RBFOX1: variants seen among roughly 807,000 people sequenced by gnomAD.
RBFOX1 encodes the protein RNA binding fox-1 homolog 1, also known as RNA binding protein fox-1 homolog 1.
A neutral mutation model predicts 57.7 loss-of-function variants in RBFOX1; 8 were observed. That is an observed-to-expected ratio of 0.14 (90% CI 0.08 to 0.25). The LOEUF (loss-of-function observed/expected upper bound fraction) is 0.25, where lower values mean the gene tolerates loss of function less well. Among genes scored for constraint, RBFOX1 ranks in the 10% least tolerant of loss-of-function variants. RBFOX1 has a pLI of 1.00. For synonymous variants in RBFOX1, 326 were observed against 222.4 expected (o/e 1.47, Z -4.15); for missense variants, 611 against 548.5 (o/e 1.11, Z -1.14).
chr16:7,013,777 C>G (rs2093768142), intron 3 of RBFOX1, among the ~76,000 whole-genome samples: 1 of 151,976 alleles, frequency 6.6e-6, no homozygotes, highest in Admixed American at 6.6e-5. Flanking sequence ...CTTATCTTAG[C>G]CTCCCAAGGA....
At chr16:6,978,189 T>G (rs1036865789) in intron 3 of RBFOX1, among the ~76,000 whole-genome samples, 2 of 152,164 alleles carry the variant, frequency 1.3e-5, no homozygotes, top group Non-Finnish European at 2.9e-5. Context: ...TAGCCAGCCT[T>G]GACTGGGCCC....
intron 4 of RBFOX1, among the ~76,000 whole-genome samples, chr16:7,305,562 G>T (rs2096160926): frequency 6.6e-6 from 1 of 152,178 alleles, no homozygotes; most frequent in Non-Finnish European, 1.5e-5. Flanking sequence ...TTGTTAACAT[G>T]AGTGTGTGAA....
At chr16:6,835,506 C>T (rs914744671) in intron 3 of RBFOX1, among the ~76,000 whole-genome samples, 3 of 152,104 alleles carry the variant, frequency 2.0e-5, no homozygotes, top group Admixed American at 6.5e-5. Flanking sequence ...AATCCCAGCA[C>T]TTTGGGAGTC....
intron 3 of RBFOX1, among the ~76,000 whole-genome samples, chr16:6,851,922 T>G (rs890729842): frequency 9.2e-6 from 1 of 108,516 alleles, no homozygotes. Context: ...TTAGTTTCCA[T>G]TGGGTTTTTT....
In RBFOX1 at chr16:6,503,703, C is replaced by T. The variant is rs540906114; in HGVS notation, c.-63-150900C>T. Among the ~76,000 whole-genome samples the T allele has an allele frequency of 8.5e-5, 13 of 152,246 alleles. No homozygotes were observed. In the South Asian group the frequency reaches 1.0e-3, roughly 12 times the overall value. On this transcript the variant is annotated intron_variant, in intron 2 of 15. Transcript: ENST00000550418. ...ACTGAGGAGCATCTTTCATCCCTTC[C>T]ATATGTTGCATTTTCTGATGTCTAC...
chr16:6,176,270 C>T (rs570875256), intron 1 of RBFOX1, among the ~76,000 whole-genome samples: 2 of 151,030 alleles, frequency 1.3e-5, no homozygotes, highest in East Asian at 1.9e-4. Flanking sequence ...CTCAGCCTCC[C>T]GAGTAGCTGG....
At chr16:7,693,990 G>C (rs564619746) in intron 14 of RBFOX1, among the ~76,000 whole-genome samples, 1 of 152,312 alleles carries the variant, frequency 6.6e-6, no homozygotes, top group Non-Finnish European at 1.5e-5. Flanking sequence ...AAATTGCATA[G>C]CTGCATGATA....
At chr16:5,361,357 G>T (rs1349329735) in intron 1 of RBFOX1, among the ~76,000 whole-genome samples, 2 of 152,156 alleles carry the variant, frequency 1.3e-5, no homozygotes, top group Non-Finnish European at 2.9e-5. Flanking sequence ...GTTACCCAGA[G>T]GTCTAGGTTA....
Position 7,417,540 on chromosome 16 carries a change from G to T in RBFOX1, c.28-100607G>T, listed in dbSNP as rs72771147. On this transcript the variant is annotated intron_variant, in intron 4 of 15. Coordinates refer to ENST00000550418, the MANE Select transcript of RBFOX1 (RefSeq NM_018723.4). The stretch of plus-strand genomic sequence containing the variant: ...GCTTCACATGGTATTGTGTGTGTGT[G>T]TGTGTGTGTGTGTGTGTGTGTTCAC... Among the ~76,000 whole-genome samples the T allele has an allele frequency of 7.8e-4, 21 of 26,958 alleles. No individual in the cohort carries two copies. The East Asian group carries it at 0.018, about 23-fold the overall frequency. The allele number at this position is 26,958 out of a possible 152,430, so 17.7% of individuals were successfully genotyped here. A position where few individuals can be genotyped will look rare whatever the true frequency, so the allele number is the denominator to read the frequency against.
At chr16:5,830,134 C>T (rs9922593) in intron 3 of RBFOX1, among the ~76,000 whole-genome samples, 3 of 152,288 alleles carry the variant, frequency 2.0e-5, no homozygotes, top group South Asian at 2.1e-4. Context: ...ATTTGCAAAT[C>T]GTCCTGGATA....
At chr16:6,554,701 A>C (rs1567662414) in intron 2 of RBFOX1, among the ~76,000 whole-genome samples, 1 of 151,618 alleles carries the variant, frequency 6.6e-6, no homozygotes, top group East Asian at 1.9e-4. Flanking sequence ...TCTTCAGTCC[A>C]TCCTCTGGCC....
intron 2 of RBFOX1, among the ~76,000 whole-genome samples, chr16:5,565,868 G>C (rs1364412121): frequency 6.6e-6 from 1 of 152,002 alleles, no homozygotes; most frequent in East Asian, 2.0e-4. Flanking sequence ...CCCTACCCAT[G>C]TCTCATCTTG....
intron 4 of RBFOX1, among the ~76,000 whole-genome samples, chr16:7,314,851 C>A (rs906069848): frequency 2.6e-5 from 4 of 152,070 alleles, no homozygotes; most frequent in Non-Finnish European, 4.4e-5. Flanking sequence ...AAAAATGATT[C>A]TTTTTCAATT....
At chr16:5,817,360 C>T (rs574554204) in intron 3 of RBFOX1, among the ~76,000 whole-genome samples, 3 of 152,174 alleles carry the variant, frequency 2.0e-5, no homozygotes, top group Non-Finnish European at 4.4e-5. Flanking sequence ...TGATGGATAA[C>T]GGAACTCTCA....
At chr16:6,977,493 G>C (rs1315031530) in intron 3 of RBFOX1, among the ~76,000 whole-genome samples, 1 of 152,054 alleles carries the variant, frequency 6.6e-6, no homozygotes, top group Non-Finnish European at 1.5e-5. Flanking sequence ...AGCCCAGCAA[G>C]TCCCAGCCTC....
At chr16:6,871,802 A>C (rs908293354) in intron 3 of RBFOX1, among the ~76,000 whole-genome samples, 1 of 152,222 alleles carries the variant, frequency 6.6e-6, no homozygotes, top group South Asian at 2.1e-4. Flanking sequence ...AAGTCTGGAA[A>C]TGTTGTCAGT....
chr16:5,929,736 A>C (rs992022723), intron 4 of RBFOX1, among the ~76,000 whole-genome samples: 1 of 152,132 alleles, frequency 6.6e-6, no homozygotes, highest in African/African-American at 2.4e-5. Context: ...GGGAATAATG[A>C]TAGATTTACA....
intron 3 of RBFOX1, among the ~76,000 whole-genome samples, chr16:6,963,391 C>T (rs1452668047): frequency 6.6e-6 from 1 of 152,046 alleles, no homozygotes; most frequent in East Asian, 1.9e-4. Context: ...AACACACACA[C>T]ACACTTGAAA....
chr16:6,586,941 A>C (rs1245478262), intron 2 of RBFOX1, among the ~76,000 whole-genome samples: 1 of 152,220 alleles, frequency 6.6e-6, no homozygotes, highest in Admixed American at 6.5e-5. Context: ...TGAAATATAT[A>C]TATATTGTGG....
Sources: gnomAD v4.1 joint callset for allele counts (sites outside exome capture counted in the v4.1 genomes callset) on GRCh38, gnomAD v4.1.1 for gene constraint, MANE v1.5 for transcripts, NCBI Gene and HGNC (gene_info 2026-07-23, HGNC 2026-07-21) for gene names.